GPC5: variants seen among roughly 807,000 people sequenced by gnomAD.
GPC5 encodes glypican 5.
GPC5 carries 47 observed loss-of-function variants against 53.9 expected under a neutral mutation model. That is an observed-to-expected ratio of 0.87 (90% CI 0.69 to 1.11). The LOEUF (loss-of-function observed/expected upper bound fraction) is 1.11, where lower values mean the gene tolerates loss of function less well. GPC5 is among the 50% of genes most tolerant of loss of function. The pLI, the probability that GPC5 is intolerant of heterozygous loss-of-function variation, is 0.00. For synonymous variants in GPC5, 286 were observed against 263.3 expected (o/e 1.09, Z -0.84); for missense variants, 748 against 713.1 (o/e 1.05, Z -0.56).
chr13:91,782,935 C>T (rs1262613825), intron 5 of GPC5, among the ~76,000 whole-genome samples: 1 of 151,658 alleles, frequency 6.6e-6, no homozygotes, highest in Non-Finnish European at 1.5e-5. Flanking sequence ...ATGTTTTTCT[C>T]ATTAAGAAAA....
chr13:91,709,402 C>T lies in GPC5; in HGVS notation c.1020+15521C>T, dbSNP rs139555007. On this transcript the variant is annotated intron_variant, in intron 3 of 7. Coordinates refer to ENST00000377067, the MANE Select transcript of GPC5 (RefSeq NM_004466.6). The stretch of plus-strand genomic sequence containing the variant: ...CCTTTGTCTGGCACCACTCGTAATA[C>T]TCCCTTGCTCTAGCTATGCTGGAGT... Among the ~76,000 whole-genome samples the T allele has an allele frequency of 8.5e-4, 129 of 152,308 alleles. 3 individuals carry two copies. The East Asian group carries it at 0.022, about 26-fold the overall frequency.
At chr13:91,592,272 T>C (rs2032828094) in intron 2 of GPC5, among the ~76,000 whole-genome samples, 1 of 152,302 alleles carries the variant, frequency 6.6e-6, no homozygotes. Context: ...GGGTGGTGAA[T>C]AGGCTCTAAT....
At chr13:92,241,988 T>C (rs955111003) in intron 7 of GPC5, 1 of 152,274 alleles carries the variant, frequency 6.6e-6, no homozygotes, top group African/African-American at 2.4e-5. Context: ...ATCTTAGCAC[T>C]ATGCAAAGCC....
intron 2 of GPC5, among the ~76,000 whole-genome samples, chr13:91,536,411 T>C (rs1411596887): frequency 6.6e-6 from 1 of 152,200 alleles, no homozygotes; most frequent in Non-Finnish European, 1.5e-5. Flanking sequence ...GCAATGAAGA[T>C]AGCAGAACAG....
intron 4 of GPC5, among the ~76,000 whole-genome samples, chr13:91,750,592 G>A (rs1389166700): frequency 4.0e-5 from 6 of 151,434 alleles, no homozygotes; most frequent in Admixed American, 1.3e-4. Flanking sequence ...TCGTGTGCTA[G>A]CTTGAGCATT....
chr13:92,033,036 C>CGTGTGTGTGT (rs60958496), intron 6 of GPC5, among the ~76,000 whole-genome samples: 3,174 of 139,018 alleles, frequency 0.023, 73 homozygotes, highest in Admixed American at 0.036. Flanking sequence ...TAGTTATTGT[C>CGTGTGTGTGT]GTGTGTGTGT....
intron 5 of GPC5, among the ~76,000 whole-genome samples, chr13:91,893,247 C>A (rs1005449260): frequency 6.6e-6 from 1 of 151,942 alleles, no homozygotes; most frequent in African/African-American, 2.4e-5. Flanking sequence ...CCTGTCTGAC[C>A]AGTAAACCAT....
intron 7 of GPC5, among the ~76,000 whole-genome samples, chr13:92,422,806 A>G (rs1876638083): frequency 6.6e-6 from 1 of 152,180 alleles, no homozygotes; most frequent in Admixed American, 6.5e-5. Flanking sequence ...TATACAAGCT[A>G]TTTGATTACT....
chr13:92,757,135 T>C (rs1566404288), intron 7 of GPC5, among the ~76,000 whole-genome samples: 1 of 151,876 alleles, frequency 6.6e-6, no homozygotes, highest in Non-Finnish European at 1.5e-5. Flanking sequence ...AAAACAGAGA[T>C]ATAGATCAAT....
intron 2 of GPC5, among the ~76,000 whole-genome samples, chr13:91,646,040 T>C (rs1178702570): frequency 6.6e-6 from 1 of 152,112 alleles, no homozygotes; most frequent in African/African-American, 2.4e-5. Context: ...AAAGCAAGAA[T>C]ATTGTAGTTC....
chr13:91,563,370 G>A (rs989142218), intron 2 of GPC5, among the ~76,000 whole-genome samples: 80 of 151,924 alleles, frequency 5.3e-4, no homozygotes, highest in Non-Finnish European at 1.5e-5. Flanking sequence ...CCGTGTAGTA[G>A]CAATTAAAAA....
In GPC5 at chr13:92,557,611, T is replaced by A. The variant is rs370679784; in HGVS notation, c.1562-308671T>A. On this transcript the variant is annotated intron_variant, in intron 7 of 7. Transcript: ENST00000377067. ...ATTTTAAGTTGCTAAAAACTCTATG[T>A]TTTCCTCATCCTTCAGTCAAATTTA... Among the ~76,000 whole-genome samples, 7 of 152,006 alleles carry A rather than the reference T, an allele frequency of 4.6e-5. 1 individual carries two copies. Among genetic ancestry groups the A allele is most frequent in the East Asian group, 3.9e-4 (2 of 5,168 alleles).
chr13:92,080,458 ATCT>A (rs2041286469), intron 6 of GPC5, among the ~76,000 whole-genome samples: 1 of 152,130 alleles, frequency 6.6e-6, no homozygotes, highest in Non-Finnish European at 1.5e-5. Context: ...AGTTTTCCAA[ATCT>A]TCTCCCTTTT....
At chr13:91,579,364 C>T (rs1293329649) in intron 2 of GPC5, among the ~76,000 whole-genome samples, 1 of 152,166 alleles carries the variant, frequency 6.6e-6, no homozygotes. Flanking sequence ...CGGACCATAA[C>T]TTTACCCATG....
intron 7 of GPC5, among the ~76,000 whole-genome samples, chr13:92,514,724 T>C (rs1053743423): frequency 2.6e-5 from 4 of 152,174 alleles, no homozygotes; most frequent in Admixed American, 6.5e-5. Flanking sequence ...GGGGCGGAAT[T>C]TCTAAACTCA....
At chr13:92,396,944 T>C (rs564403044) in intron 7 of GPC5, among the ~76,000 whole-genome samples, 2 of 152,290 alleles carry the variant, frequency 1.3e-5, no homozygotes, top group Non-Finnish European at 2.9e-5. Flanking sequence ...AGGCCTTTGC[T>C]ATGGAAAACA....
intron 5 of GPC5, among the ~76,000 whole-genome samples, chr13:91,764,408 G>C (rs74106514): frequency 0.022 from 3,313 of 152,220 alleles, 97 homozygotes; most frequent in African/African-American, 0.066. Context: ...ATTACATTCA[G>C]AAAGCCAGAC....
chr13:92,682,965 G>A (rs538484959), intron 7 of GPC5, among the ~76,000 whole-genome samples: 8 of 152,128 alleles, frequency 5.3e-5, no homozygotes, highest in East Asian at 3.9e-4. Flanking sequence ...AAATACACAC[G>A]GCCAAGAATG....
At chr13:92,712,256 A>G (rs1888164730) in intron 7 of GPC5, among the ~76,000 whole-genome samples, 2 of 152,034 alleles carry the variant, frequency 1.3e-5, no homozygotes, top group Non-Finnish European at 2.9e-5. Context: ...AAGGAATACA[A>G]GGAACAATTT....
Sources: gnomAD v4.1 joint callset for allele counts (sites outside exome capture counted in the v4.1 genomes callset) on GRCh38, gnomAD v4.1.1 for gene constraint, MANE v1.5 for transcripts, NCBI Gene and HGNC (gene_info 2026-07-23, HGNC 2026-07-21) for gene names.